Variants in DENND10 observed in about 807,000 individuals in gnomAD.
DENND10 encodes DENN domain-containing protein 10.
DENND10 carries 24 observed loss-of-function variants against 43.6 expected under a neutral mutation model. The ratio of observed to expected loss-of-function variants is 0.55; its 90% CI spans 0.40 to 0.77. The LOEUF (loss-of-function observed/expected upper bound fraction) is 0.77, where lower values mean the gene tolerates loss of function less well. DENND10 is among the 30% of genes least tolerant of loss of function. The pLI, the probability that DENND10 is intolerant of heterozygous loss-of-function variation, is 0.00. For missense variants in DENND10, 303 were observed against 429.9 expected, an observed-to-expected ratio of 0.70 and a Z score of 2.61; for synonymous variants, 125 against 157.6, an observed-to-expected ratio of 0.79 and a Z score of 1.55.
chr10:119,119,443 A>C (rs1474756756), intron 4 of DENND10, among the ~76,000 whole-genome samples: 1 of 151,788 alleles, frequency 6.6e-6, no homozygotes, highest in Non-Finnish European at 1.5e-5. Flanking sequence ...TGCCCAGCCT[A>C]ATTTTGTATT....
At chr10:119,135,184 A>AAAAG (rs1564803842) in intron 8 of DENND10, 1 of 147,880 alleles carries the variant, frequency 6.8e-6, no homozygotes. Context: ...AAAAAAAAAA[A>AAAAG]AAAGAAAAAG....
rs1363373591 is a variant in DENND10 at position 119,129,327 on chromosome 10, CGTT to C, written c.695-185_695-183del. 18 of 581,896 alleles carry C rather than the reference CGTT, an allele frequency of 3.1e-5. No individual in the cohort carries two copies. In the East Asian group the frequency reaches 4.3e-4, roughly 14 times the overall value. 36.0% of individuals were successfully genotyped at this position (581,896 alleles called of 1,614,324 possible). On this transcript the variant is annotated intron_variant, in intron 6 of 8. Transcript: ENST00000361432. The stretch of plus-strand genomic sequence containing the variant: ...TGATGGATAATTTTGGAATATCTGG[CGTT>C]GTGTGAATATCTTCAGGCAACTGAT...
intron 3 of DENND10, among the ~76,000 whole-genome samples, chr10:119,115,349 T>C (rs1016889448): frequency 6.6e-6 from 1 of 150,532 alleles, no homozygotes; most frequent in Non-Finnish European, 1.5e-5. Context: ...TGTTCTCTAC[T>C]TTTTTTCCGT....
intron 5 of DENND10, among the ~76,000 whole-genome samples, chr10:119,122,627 AG>A (rs1425500018): frequency 6.6e-6 from 1 of 152,160 alleles, no homozygotes; most frequent in Non-Finnish European, 1.5e-5. Flanking sequence ...GATATTTAGC[AG>A]GGCACCAGGG....
At chr10:119,131,652 T>G (rs1483869273) in intron 7 of DENND10, among the ~76,000 whole-genome samples, 1 of 152,226 alleles carries the variant, frequency 6.6e-6, no homozygotes. Context: ...ATTGTTAGAT[T>G]CGATTATGTG....
At position 119,118,322 on chromosome 10, in the gene DENND10, G is replaced by A. The variant is rs573817828; in HGVS notation, c.481+655G>A. Among the ~76,000 whole-genome samples the A allele has an allele frequency of 2.6e-5, 4 of 152,098 alleles. No individual in the cohort carries two copies. In the South Asian group the frequency reaches 6.2e-4, roughly 24 times the overall value. On this transcript the variant is annotated intron_variant, in intron 4 of 8. Coordinates refer to ENST00000361432, the MANE Select transcript of DENND10 (RefSeq NM_207009.4). The stretch of plus-strand genomic sequence containing the variant: ...GCTGGTGGGCTGAATTTTGTGCCTC[G>A]AGGTCTTCATGGATTACATTTCTTT...
intron 6 of DENND10, among the ~76,000 whole-genome samples, chr10:119,127,685 G>A (rs529562194): frequency 7.3e-5 from 11 of 151,286 alleles, no homozygotes; most frequent in African/African-American, 2.4e-4. Context: ...ATGGGGTTTC[G>A]CCATGTTGCC....
intron 7 of DENND10, among the ~76,000 whole-genome samples, chr10:119,131,808 G>A (rs185243188): frequency 4.9e-4 from 74 of 152,296 alleles, no homozygotes; most frequent in African/African-American, 1.4e-3. Context: ...TTTGCAAAGC[G>A]AAAGTGAAAG....
At chr10:119,117,397 C>A in intron 3 of DENND10, 122 bp from the exon 4 acceptor site, 2 of 995,436 alleles carry the variant, frequency 2.0e-6, no homozygotes, top group South Asian at 1.7e-5. Context: ...GTGAAGCATT[C>A]AGAAGGGCAG....
intron 1 of DENND10, among the ~76,000 whole-genome samples, chr10:119,105,872 AC>A (rs577527995): frequency 8.7e-5 from 13 of 149,740 alleles, no homozygotes; most frequent in East Asian, 2.0e-4. Context: ...ACAGAGTGAG[AC>A]CCCCCCCAAC....
At chr10:119,124,427 G>T (rs1254983172) in intron 6 of DENND10, among the ~76,000 whole-genome samples, 1 of 149,442 alleles carries the variant, frequency 6.7e-6, no homozygotes, top group Non-Finnish European at 1.5e-5. Flanking sequence ...TGTAGTCCCA[G>T]CTACTCGGGA....
At chr10:119,110,176 T>C (rs1844910288) in intron 2 of DENND10, among the ~76,000 whole-genome samples, 1 of 151,964 alleles carries the variant, frequency 6.6e-6, no homozygotes, top group Admixed American at 6.6e-5. Flanking sequence ...TCTTTTTGTT[T>C]TTGTTTTTTT....
In DENND10 at chr10:119,136,868, C is replaced by G; in HGVS notation, c.*221C>G. The G allele has an allele frequency of 4.6e-6, 2 of 431,202 alleles. No homozygotes were observed. Among genetic ancestry groups the G allele is most frequent in the Non-Finnish European group, 8.6e-6 (2 of 232,282 alleles). The allele number at this position is 431,202 out of a possible 1,614,324, so 26.7% of individuals were successfully genotyped here. On this transcript the variant is annotated 3_prime_UTR_variant, in exon 9 of 9. Transcript: ENST00000361432. ...CTTCCTGCCTGCTGTCAGTGCTGGA[C>G]GAAGTGCTATAACTACTTTATGTAA...
At chr10:119,108,452 C>T (rs529370758) in intron 2 of DENND10, among the ~76,000 whole-genome samples, 1 of 145,420 alleles carries the variant, frequency 6.9e-6, no homozygotes, top group South Asian at 2.2e-4. Context: ...CACTGCACTC[C>T]AGCCTGGCGA....
At chr10:119,111,051 A>G (rs1844948584) in intron 2 of DENND10, among the ~76,000 whole-genome samples, 1 of 151,948 alleles carries the variant, frequency 6.6e-6, no homozygotes, top group South Asian at 2.1e-4. Context: ...ATTTGAGGCC[A>G]GGAGTTCGAG....
chr10:119,129,947 A>C (rs1368471935), intron 7 of DENND10, among the ~76,000 whole-genome samples: 2 of 152,150 alleles, frequency 1.3e-5, no homozygotes. Flanking sequence ...TTAATTTTGA[A>C]ATGTTTCTGA....
intron 8 of DENND10, 128 bp from the exon 9 acceptor site, chr10:119,136,343 G>T: frequency 4.6e-6 from 5 of 1,093,466 alleles, no homozygotes; most frequent in Middle Eastern, 4.3e-4. Context: ...TTACAGGCAT[G>T]AGCCACCACG....
intron 1 of DENND10, chr10:119,105,481 C>G (rs1300269279): frequency 2.6e-6 from 3 of 1,140,356 alleles, no homozygotes; most frequent in Non-Finnish European, 3.4e-6. Flanking sequence ...GATGGGATAC[C>G]GACATGTTGT....
intron 3 of DENND10, among the ~76,000 whole-genome samples, chr10:119,116,331 C>T (rs1237304722): frequency 3.9e-5 from 6 of 152,144 alleles, no homozygotes; most frequent in African/African-American, 1.4e-4. Flanking sequence ...GTTTTGATTT[C>T]TTAATTATCT....
Sources: gnomAD v4.1 joint callset for allele counts (sites outside exome capture counted in the v4.1 genomes callset) on GRCh38, gnomAD v4.1.1 for gene constraint, MANE v1.5 for transcripts, NCBI Gene and HGNC (gene_info 2026-07-23, HGNC 2026-07-21) for gene names.